PAX5: variants seen among roughly 807,000 people sequenced by gnomAD.
PAX5 encodes paired box protein Pax-5.
Under a neutral mutation model 43.7 loss-of-function variants are expected in PAX5, and 9 were observed. The observed-to-expected ratio is 0.21, with a 90% CI of 0.12 to 0.36. The LOEUF is 0.36. Ranked by LOEUF, PAX5 falls within the 10% of genes least tolerant of loss-of-function variation. The pLI is 1.00. For missense variants in PAX5, 383 were observed against 532.7 expected (o/e 0.72, Z 2.77); for synonymous variants, 228 against 214.3 (o/e 1.06, Z -0.56).
At chr9:36,951,212 TC>T (rs1257883426) in intron 6 of PAX5, among the ~76,000 whole-genome samples, 4 of 152,224 alleles carry the variant, frequency 2.6e-5, no homozygotes, top group Non-Finnish European at 5.9e-5. Context: ...CTAATTGTTG[TC>T]CTTTCATGTG....
intron 6 of PAX5, among the ~76,000 whole-genome samples, chr9:36,943,605 A>C (rs1176608240): frequency 6.6e-6 from 1 of 151,844 alleles, no homozygotes; most frequent in African/African-American, 2.4e-5. Flanking sequence ...CCAGAAAAGA[A>C]GGCCTAAGGA....
At chr9:36,891,154 A>T (rs964198007) in intron 7 of PAX5, among the ~76,000 whole-genome samples, 1 of 152,230 alleles carries the variant, frequency 6.6e-6, no homozygotes, top group Admixed American at 6.5e-5. Context: ...AAACAAAAAA[A>T]AACTTCATTT....
intron 7 of PAX5, among the ~76,000 whole-genome samples, chr9:36,903,815 C>T (rs1437698741): frequency 6.6e-6 from 1 of 152,168 alleles, no homozygotes; most frequent in East Asian, 1.9e-4. Context: ...TCAGTCCCGG[C>T]CCCTACACGT....
intron 7 of PAX5, among the ~76,000 whole-genome samples, chr9:36,914,905 A>C (rs1829606619): frequency 6.6e-6 from 1 of 152,262 alleles, no homozygotes; most frequent in Non-Finnish European, 1.5e-5. Context: ...TTCATTGTTC[A>C]TATCAATGAA....
intron 8 of PAX5, among the ~76,000 whole-genome samples, chr9:36,862,609 C>A (rs1164390786): frequency 6.6e-6 from 1 of 152,170 alleles, no homozygotes; most frequent in Non-Finnish European, 1.5e-5. Context: ...GGAAAAGCAA[C>A]ATAGGAAAGA....
chr9:36,845,542 G>C (rs1489488491), intron 9 of PAX5, among the ~76,000 whole-genome samples: 3 of 152,220 alleles, frequency 2.0e-5, no homozygotes, highest in Admixed American at 2.0e-4. Flanking sequence ...GGAGTCTTCT[G>C]CAAGGCTTGC....
chr9:36,865,065 T>C (rs1179722207), intron 8 of PAX5, among the ~76,000 whole-genome samples: 1 of 152,194 alleles, frequency 6.6e-6, no homozygotes, highest in Non-Finnish European at 1.5e-5. Flanking sequence ...GTAATTTTGT[T>C]ATTACAAATG....
intron 7 of PAX5, among the ~76,000 whole-genome samples, chr9:36,908,718 G>A (rs763210756): frequency 2.0e-5 from 3 of 152,198 alleles, no homozygotes; most frequent in Non-Finnish European, 4.4e-5. Flanking sequence ...TCACAGCAGG[G>A]TGGGCTGGAT....
intron 1 of PAX5, among the ~76,000 whole-genome samples, chr9:37,028,748 A>T (rs1237300888): frequency 6.6e-6 from 1 of 152,226 alleles, no homozygotes; most frequent in Non-Finnish European, 1.5e-5. Flanking sequence ...GGGTCAAGCA[A>T]AGCGGCCAGG....
chr9:36,967,565 T>C (rs926461655), intron 5 of PAX5, among the ~76,000 whole-genome samples: 3 of 152,176 alleles, frequency 2.0e-5, no homozygotes, highest in Non-Finnish European at 4.4e-5. Flanking sequence ...GATACATTGT[T>C]ATGTTAAAAA....
intron 6 of PAX5, among the ~76,000 whole-genome samples, chr9:36,949,364 C>T (rs1462399900): frequency 6.6e-6 from 1 of 152,122 alleles, no homozygotes; most frequent in African/African-American, 2.4e-5. Flanking sequence ...CCGGCCAACA[C>T]AAGTATTGTT....
intron 6 of PAX5, among the ~76,000 whole-genome samples, chr9:36,958,898 A>G (rs900633469): frequency 6.6e-6 from 1 of 152,142 alleles, no homozygotes; most frequent in African/African-American, 2.4e-5. Flanking sequence ...GAAGCCAGAT[A>G]CTGTCTGGAG....
In PAX5 at chr9:36,892,407, G is replaced by A. The variant is rs190221064; in HGVS notation, c.911-10302C>T. ...AACTATCCTTTACACAGCTCTTAGC[G>A]CCAAGCATTGTTCTAAGCACTTTGT... On this transcript the variant is annotated intron_variant, in intron 7 of 9. Coordinates refer to ENST00000358127, the MANE Select transcript of PAX5 (RefSeq NM_016734.3). 3.2e-4 allele frequency among the ~76,000 whole-genome samples: 49 copies of A among 152,270 alleles called. 1 individual carries two copies. The highest frequency in any genetic ancestry group is 2.9e-3 in the East Asian group (15 of 5,192).
In PAX5 at chr9:36,977,703, T is replaced by C. The variant is rs1275819844; in HGVS notation, c.605-10979A>G. On this transcript the variant is annotated intron_variant, in intron 5 of 9. Transcript: ENST00000358127. ...GCACCACCACACCCGGCTAATTTTT[T>C]GTATTTTAAGTTGAGAAGGGGTTTC... Among the ~76,000 whole-genome samples, 4 of 152,192 alleles carry C rather than the reference T, an allele frequency of 2.6e-5. No homozygotes were observed. The East Asian group carries it at 5.8e-4, about 22-fold the overall frequency.
intron 7 of PAX5, among the ~76,000 whole-genome samples, chr9:36,883,869 A>T (rs1471963568): frequency 1.3e-5 from 2 of 152,228 alleles, no homozygotes; most frequent in Admixed American, 1.3e-4. Flanking sequence ...CACACTCCAC[A>T]TGAATGAATG....
At chr9:36,870,086 A>G (rs200576062) in intron 8 of PAX5, among the ~76,000 whole-genome samples, 4 of 4,790 alleles carry the variant, frequency 8.4e-4, no homozygotes, top group African/African-American at 2.1e-3. Context: ...ATGGATGGAT[A>G]AATGGATGGA....
chr9:37,030,172 T>C (rs1840840193), intron 1 of PAX5, among the ~76,000 whole-genome samples: 1 of 152,158 alleles, frequency 6.6e-6, no homozygotes, highest in Admixed American at 6.5e-5. Flanking sequence ...GTCTTACCTG[T>C]GCACCCAGAG....
Position 36,984,435 on chromosome 9 carries a change from C to CTTTTTTTTTTTTTTTTTTTT in PAX5, c.605-17731_605-17712dup, listed in dbSNP as rs10663927. Among the ~76,000 whole-genome samples the CTTTTTTTTTTTTTTTTTTTT allele has an allele frequency of 9.0e-5, 6 of 66,882 alleles. 2 individuals carry two copies. Among genetic ancestry groups the CTTTTTTTTTTTTTTTTTTTT allele is most frequent in the African/African-American group, 3.3e-4 (5 of 15,110 alleles). 43.9% of individuals were successfully genotyped at this position (66,882 alleles called of 152,430 possible). A position where few individuals can be genotyped will look rare whatever the true frequency, so the allele number is the denominator to read the frequency against. Reference sequence around the variant, plus strand: ...GCCCTGGATTGGTTATTGAACCTCTCTTTTTTTTTTTTTTTTTTTTTTGAG... The same window carrying CTTTTTTTTTTTTTTTTTTTT: ...GCCCTGGATTGGTTATTGAACCTCTCTTTTTTTTTTTTTTTTTTTTTTTTTTTTTTTTTTTTTTTTTTGAG... On this transcript the variant is annotated intron_variant, in intron 5 of 9. Coordinates refer to ENST00000358127, the MANE Select transcript of PAX5 (RefSeq NM_016734.3).
At chr9:36,924,776 G>T (rs1178558912) in intron 6 of PAX5, among the ~76,000 whole-genome samples, 43 of 34,526 alleles carry the variant, frequency 1.2e-3, no homozygotes, top group Admixed American at 8.4e-3. Context: ...AGGAAGGAAG[G>T]AAGGAAAAGA....
Sources: allele counts gnomAD v4.1 joint callset (sites outside exome capture counted in the v4.1 genomes callset), GRCh38; gene constraint gnomAD v4.1.1; transcripts MANE v1.5; gene names NCBI Gene and HGNC (gene_info 2026-07-23, HGNC 2026-07-21).